Variants in TENM3 observed in about 807,000 individuals in gnomAD.
TENM3 encodes the protein teneurin transmembrane protein 3, also known as teneurin-3.
Under a neutral mutation model 255.1 loss-of-function variants are expected in TENM3, and 63 were observed. That is an observed-to-expected ratio of 0.25 (90% CI 0.20 to 0.30). TENM3 has a LOEUF of 0.30. Among genes scored for constraint, TENM3 ranks in the 10% least tolerant of loss-of-function variants. The pLI is 1.00. For missense variants in TENM3, 2,929 were observed against 3,461.1 expected, an observed-to-expected ratio of 0.85 and a Z score of 3.86; for synonymous variants, 1,306 against 1,322.3, an observed-to-expected ratio of 0.99 and a Z score of 0.27.
intron 24 of TENM3, among the ~76,000 whole-genome samples, chr4:182,785,828 G>A (rs1027323587): frequency 6.6e-6 from 1 of 150,466 alleles, no homozygotes; most frequent in African/African-American, 2.4e-5. Flanking sequence ...AAGATGTGGT[G>A]AAGCAAGACC....
the TENM3 span, among the ~76,000 whole-genome samples, chr4:181,506,261 C>G: frequency 6.6e-6 from 1 of 152,066 alleles, no homozygotes; most frequent in Non-Finnish European, 1.5e-5. Context: ...TGGGATATAA[C>G]ACTATTTTGA....
the TENM3 span, among the ~76,000 whole-genome samples, chr4:181,983,177 C>T: frequency 6.6e-6 from 1 of 152,132 alleles, no homozygotes; most frequent in South Asian, 2.1e-4. Context: ...TTCAGGACCG[C>T]TCAAGTGTCA....
the TENM3 span, among the ~76,000 whole-genome samples, chr4:181,989,141 C>G: frequency 1.3e-5 from 2 of 152,006 alleles, no homozygotes; most frequent in Admixed American, 1.3e-4. Context: ...TGTACGTGGT[C>G]TCCAGGAGCC....
In TENM3 at chr4:182,796,549, T is replaced by C. The variant is rs376625144; in HGVS notation, c.7214-88T>C. The stretch of plus-strand genomic sequence containing the variant: ...CTTTTTCAGATTATTAATTGTGAAA[T>C]TGGATTTTCTTTTTAAGGTAAGAAT... On this transcript the variant is annotated intron_variant, in intron 26 of 27. Coordinates refer to ENST00000511685, the MANE Select transcript of TENM3 (RefSeq NM_001080477.4). The C allele has an allele frequency of 1.2e-5, 15 of 1,235,028 alleles. 1 individual carries two copies. In the African/African-American group the frequency reaches 1.5e-4, roughly 13 times the overall value. 76.5% of individuals were successfully genotyped at this position (1,235,028 alleles called of 1,614,324 possible).
the TENM3 span, chr4:182,081,678 G>A: frequency 6.6e-6 from 1 of 152,006 alleles, no homozygotes; most frequent in Middle Eastern, 3.4e-3. Flanking sequence ...GTGGTTTTAT[G>A]GGAAACTGTT....
chr4:181,714,491 T>C, the TENM3 span, among the ~76,000 whole-genome samples: 2 of 152,160 alleles, frequency 1.3e-5, no homozygotes, highest in Non-Finnish European at 2.9e-5. Flanking sequence ...TCAGGCTCAC[T>C]GGAGGAACAG....
chr4:181,943,660 G>T, the TENM3 span, among the ~76,000 whole-genome samples: 6 of 152,290 alleles, frequency 3.9e-5, no homozygotes, highest in African/African-American at 1.4e-4. Flanking sequence ...TTGCCCGCCA[G>T]AATCTGGAGT....
At chr4:182,737,100 G>A (rs765708032) in intron 17 of TENM3, 25 bp downstream of exon 17, 2 of 1,595,734 alleles carry the variant, frequency 1.3e-6, no homozygotes, top group Non-Finnish European at 8.5e-7. Flanking sequence ...AATCTTTGCT[G>A]CAGTGAAGTT....
intron 18 of TENM3, 101 bp downstream of exon 18, chr4:182,738,645 C>A: frequency 1.1e-6 from 1 of 932,326 alleles, no homozygotes; most frequent in Non-Finnish European, 1.5e-6. Context: ...ACATTTTATG[C>A]TATCCATGCT....
intron 3 of TENM3, among the ~76,000 whole-genome samples, chr4:182,494,765 G>A (rs578204913): frequency 6.6e-5 from 10 of 152,176 alleles, no homozygotes; most frequent in African/African-American, 2.2e-4. Context: ...TGTTTTACTC[G>A]AAGGTATGCC....
chr4:181,586,823 G>A, the TENM3 span, among the ~76,000 whole-genome samples: 1 of 152,008 alleles, frequency 6.6e-6, no homozygotes, highest in Non-Finnish European at 1.5e-5. Flanking sequence ...CTGGGCAACA[G>A]ATTGAGACTC....
At chr4:181,648,529 C>T in the TENM3 span, among the ~76,000 whole-genome samples, 1 of 152,174 alleles carries the variant, frequency 6.6e-6, no homozygotes, top group Non-Finnish European at 1.5e-5. Flanking sequence ...ATGGCAGTTT[C>T]TCGAGTGAGC....
rs1162593594 is a variant in TENM3 at position 182,356,839 on chromosome 4, G to A, written c.511+9910G>A. Among the ~76,000 whole-genome samples the A allele has an allele frequency of 2.0e-5, 3 of 150,934 alleles. No homozygotes were observed. The South Asian group carries it at 6.4e-4, about 32-fold the overall frequency. On this transcript the variant is annotated intron_variant, in intron 3 of 27. Coordinates refer to ENST00000511685, the MANE Select transcript of TENM3 (RefSeq NM_001080477.4). ...CCACTAACTCGTCATCTAGCATTAG[G>A]TATATCTCCCAATGCTCTCCCTCCT... is the stretch of plus-strand genomic sequence containing the variant.
At chr4:181,641,253 G>A in the TENM3 span, among the ~76,000 whole-genome samples, 3 of 151,696 alleles carry the variant, frequency 2.0e-5, no homozygotes, top group East Asian at 3.9e-4. Context: ...TGTTACATGG[G>A]TATACATGTG....
chr4:181,523,711 G>A, the TENM3 span, among the ~76,000 whole-genome samples: 1 of 152,164 alleles, frequency 6.6e-6, no homozygotes, highest in Non-Finnish European at 1.5e-5. Context: ...CTTAAAGCAA[G>A]CTCTAACCAA....
intron 1 of TENM3, among the ~76,000 whole-genome samples, chr4:182,161,364 C>T (rs1376574351): frequency 1.6e-5 from 2 of 122,666 alleles, no homozygotes; most frequent in Non-Finnish European, 3.3e-5. Context: ...TGCAGTGAGC[C>T]GAGATCGCGC....
At chr4:182,048,748 G>A in the TENM3 span, among the ~76,000 whole-genome samples, 2 of 129,872 alleles carry the variant, frequency 1.5e-5, no homozygotes, top group East Asian at 2.1e-4. Flanking sequence ...CACTTTTCCA[G>A]CAGAGCAGCA....
chr4:181,843,616 C>T, the TENM3 span, among the ~76,000 whole-genome samples: 1 of 151,944 alleles, frequency 6.6e-6, no homozygotes, highest in African/African-American at 2.4e-5. Context: ...TCATAGAACA[C>T]CGGAGACTGG....
the TENM3 span, among the ~76,000 whole-genome samples, chr4:181,931,030 C>G: frequency 6.6e-6 from 1 of 152,246 alleles, no homozygotes; most frequent in Admixed American, 6.5e-5. Context: ...ATAATAAGAG[C>G]TATTTATGAC....
Sources: allele counts gnomAD v4.1 joint callset (sites outside exome capture counted in the v4.1 genomes callset), GRCh38; gene constraint gnomAD v4.1.1; transcripts MANE v1.5; gene names NCBI Gene and HGNC (gene_info 2026-07-23, HGNC 2026-07-21).